Variants in GALNTL6 observed in about 807,000 individuals in gnomAD.
The protein encoded by GALNTL6 is polypeptide N-acetylgalactosaminyltransferase-like 6.
Under a neutral mutation model 73.7 loss-of-function variants are expected in GALNTL6, and 46 were observed. That is an observed-to-expected ratio of 0.62 (90% CI 0.49 to 0.80). The LOEUF (loss-of-function observed/expected upper bound fraction) is 0.80. Ranked by LOEUF, GALNTL6 falls within the 30% of genes least tolerant of loss-of-function variation. The pLI, the probability that GALNTL6 is intolerant of heterozygous loss-of-function variation, is 0.00. For missense variants in GALNTL6, 604 were observed against 755.0 expected (o/e 0.80, Z 2.34); for synonymous variants, 259 against 263.7 (o/e 0.98, Z 0.17).
intron 2 of GALNTL6, among the ~76,000 whole-genome samples, chr4:171,984,780 T>C (rs1486395246): frequency 6.6e-6 from 1 of 152,084 alleles, no homozygotes; most frequent in Non-Finnish European, 1.5e-5. Flanking sequence ...ATAGTCTGGG[T>C]CCCATGAATT....
chr4:171,944,161 T>A lies in GALNTL6; in HGVS notation c.138+129443T>A, dbSNP rs1458953806. Among the ~76,000 whole-genome samples the A allele has an allele frequency of 5.9e-5, 9 of 152,044 alleles. No homozygotes were observed. The East Asian group carries it at 1.7e-3, about 29-fold the overall frequency. ...AGCATCCAAACACTTTAATAAAGTA[T>A]TTCTTAAAAGATAGATAATTTTGAT... On this transcript the variant is annotated intron_variant, in intron 2 of 12. Transcript: ENST00000506823.
intron 12 of GALNTL6, among the ~76,000 whole-genome samples, chr4:173,025,674 G>A (rs1306931761): frequency 6.6e-6 from 1 of 152,126 alleles, no homozygotes; most frequent in Non-Finnish European, 1.5e-5. Flanking sequence ...TTCTCATTGA[G>A]TAGAAGATAG....
rs563691355 is a variant in GALNTL6 at position 172,608,919 on chromosome 4, C to A, written c.554-200442C>A. Among the ~76,000 whole-genome samples the A allele has an allele frequency of 1.8e-3, 281 of 152,106 alleles. 6 individuals carry two copies. Among genetic ancestry groups the A allele is most frequent in the Admixed American group, 0.018 (280 of 15,248 alleles). On this transcript the variant is annotated intron_variant, in intron 5 of 12. Coordinates refer to ENST00000506823, the MANE Select transcript of GALNTL6 (RefSeq NM_001034845.3). ...ATGAGATTGCATTCTTAATTTGGCT[C>A]TCAGCTTGGATGTTGTTGGTGTATA...
chr4:172,863,636 A>T (rs1044635582), intron 7 of GALNTL6, among the ~76,000 whole-genome samples: 4 of 152,100 alleles, frequency 2.6e-5, no homozygotes, highest in African/African-American at 9.7e-5. Context: ...CTTGCTTTTG[A>T]TTTTACAGGC....
intron 4 of GALNTL6, among the ~76,000 whole-genome samples, chr4:172,343,261 T>C (rs931772283): frequency 1.3e-5 from 2 of 152,200 alleles, no homozygotes; most frequent in Non-Finnish European, 2.9e-5. Context: ...GTTAGAACTT[T>C]TTAAATGTGA....
intron 5 of GALNTL6, among the ~76,000 whole-genome samples, chr4:172,675,850 A>G (rs1034391034): frequency 2.6e-5 from 4 of 152,232 alleles, no homozygotes; most frequent in African/African-American, 9.6e-5. Flanking sequence ...TTCATGTCTC[A>G]GTATTTGGTG....
chr4:172,705,178 C>T (rs1439406612), intron 5 of GALNTL6, among the ~76,000 whole-genome samples: 2 of 150,804 alleles, frequency 1.3e-5, no homozygotes, highest in East Asian at 3.9e-4. Flanking sequence ...TTTACACTCA[C>T]TCTTATTATT....
At chr4:172,779,190 A>G (rs1200876779) in intron 5 of GALNTL6, among the ~76,000 whole-genome samples, 1 of 152,244 alleles carries the variant, frequency 6.6e-6, no homozygotes, top group Non-Finnish European at 1.5e-5. Flanking sequence ...GTATGAAATT[A>G]GAAATCACTG....
At chr4:171,924,915 A>G (rs978390675) in intron 2 of GALNTL6, among the ~76,000 whole-genome samples, 12 of 152,166 alleles carry the variant, frequency 7.9e-5, no homozygotes, top group Non-Finnish European at 1.6e-4. Flanking sequence ...AGGTGGAAAT[A>G]ATGAGCTCCA....
intron 2 of GALNTL6, among the ~76,000 whole-genome samples, chr4:172,202,300 T>C (rs1360949216): frequency 6.6e-6 from 1 of 152,116 alleles, no homozygotes; most frequent in Non-Finnish European, 1.5e-5. Context: ...TGCTTTCTAA[T>C]AGAAAAAGCT....
chr4:172,426,140 G>A (rs570648174), intron 5 of GALNTL6, among the ~76,000 whole-genome samples: 51 of 152,090 alleles, frequency 3.4e-4, no homozygotes, highest in African/African-American at 1.1e-3. Flanking sequence ...AGATCAGGAC[G>A]GCACTCAAAG....
chr4:172,534,326 C>CA (rs1735269749), intron 5 of GALNTL6, among the ~76,000 whole-genome samples: 1 of 152,180 alleles, frequency 6.6e-6, no homozygotes, highest in Non-Finnish European at 1.5e-5. Flanking sequence ...TGCAGATACT[C>CA]ACAGTTGAAA....
At chr4:171,858,216 T>A (rs1012695237) in intron 2 of GALNTL6, among the ~76,000 whole-genome samples, 1 of 152,146 alleles carries the variant, frequency 6.6e-6, no homozygotes, top group African/African-American at 2.4e-5. Context: ...GATGGACTTA[T>A]TTGTATGATC....
At chr4:172,288,711 A>G (rs1021390805) in intron 3 of GALNTL6, among the ~76,000 whole-genome samples, 1 of 152,038 alleles carries the variant, frequency 6.6e-6, no homozygotes, top group Non-Finnish European at 1.5e-5. Context: ...GAATAAATGA[A>G]TTTTCACTTG....
chr4:172,530,569 A>G (rs1735135741), intron 5 of GALNTL6, among the ~76,000 whole-genome samples: 1 of 152,198 alleles, frequency 6.6e-6, no homozygotes, highest in African/African-American at 2.4e-5. Flanking sequence ...CTTGTTAATC[A>G]GGATAGTAGT....
At chr4:172,387,700 A>G (rs1743520837) in intron 5 of GALNTL6, among the ~76,000 whole-genome samples, 1 of 152,052 alleles carries the variant, frequency 6.6e-6, no homozygotes, top group South Asian at 2.1e-4. Context: ...ATATATTGGT[A>G]ATTATTTCTT....
intron 5 of GALNTL6, among the ~76,000 whole-genome samples, chr4:172,600,701 A>G (rs1350466436): frequency 1.3e-5 from 2 of 152,156 alleles, no homozygotes; most frequent in African/African-American, 4.8e-5. Flanking sequence ...AACAGACCTC[A>G]TTAAAAATTT....
chr4:171,915,813 T>G, intron 2 of GALNTL6, among the ~76,000 whole-genome samples: 1 of 152,074 alleles, frequency 6.6e-6, no homozygotes, highest in East Asian at 1.9e-4. Context: ...TGAGGAGAGG[T>G]GCTGTGAACC....
At chr4:172,019,329 G>A (rs1451489231) in intron 2 of GALNTL6, among the ~76,000 whole-genome samples, 1 of 151,886 alleles carries the variant, frequency 6.6e-6, no homozygotes, top group African/African-American at 2.4e-5. Context: ...CCATTTTAAA[G>A]AATCATGTTA....
Sources: gnomAD v4.1 joint callset for allele counts (sites outside exome capture counted in the v4.1 genomes callset) on GRCh38, gnomAD v4.1.1 for gene constraint, MANE v1.5 for transcripts, NCBI Gene and HGNC (gene_info 2026-07-23, HGNC 2026-07-21) for gene names.